The following GPC5 variants were observed in gnomAD, a reference collection of about 807,000 sequenced individuals.
GPC5 encodes the protein glypican-5.
GPC5 carries 47 observed loss-of-function variants against 53.9 expected under a neutral mutation model. That is an observed-to-expected ratio of 0.87 (90% CI 0.69 to 1.11). The LOEUF (loss-of-function observed/expected upper bound fraction) is 1.11. Ranked by LOEUF, GPC5 falls within the 50% of genes most tolerant of loss-of-function variation. The pLI is 0.00. For synonymous variants in GPC5, 286 were observed against 263.3 expected (o/e 1.09, Z -0.84); for missense variants, 748 against 713.1 (o/e 1.05, Z -0.56).
At chr13:91,946,837 A>G (rs1054029623) in intron 6 of GPC5, among the ~76,000 whole-genome samples, 1 of 152,232 alleles carries the variant, frequency 6.6e-6, no homozygotes, top group Non-Finnish European at 1.5e-5. Flanking sequence ...ACCTTAGGCC[A>G]TAGGATATAA....
At chr13:91,714,793 C>T (rs1311438274) in intron 3 of GPC5, among the ~76,000 whole-genome samples, 2 of 152,052 alleles carry the variant, frequency 1.3e-5, no homozygotes, top group African/African-American at 4.8e-5. Flanking sequence ...AGGTGAGGCC[C>T]CAACTGGGGC....
At chr13:91,601,409 C>T (rs1337576961) in intron 2 of GPC5, among the ~76,000 whole-genome samples, 1 of 152,096 alleles carries the variant, frequency 6.6e-6, no homozygotes, top group African/African-American at 2.4e-5. Context: ...AGGGCAGAAG[C>T]TAAGAGGTCG....
At chr13:91,522,107 C>T (rs190561836) in intron 2 of GPC5, among the ~76,000 whole-genome samples, 11 of 152,346 alleles carry the variant, frequency 7.2e-5, no homozygotes, top group South Asian at 2.1e-4. Flanking sequence ...TTTAGCTATT[C>T]GGAACCCTTC....
At chr13:92,014,755 A>G (rs2040692448) in intron 6 of GPC5, among the ~76,000 whole-genome samples, 1 of 152,190 alleles carries the variant, frequency 6.6e-6, no homozygotes, top group Admixed American at 6.5e-5. Flanking sequence ...TGTTGGTGAT[A>G]TCTTGAATAT....
intron 7 of GPC5, among the ~76,000 whole-genome samples, chr13:92,359,954 G>A (rs1309401306): frequency 6.6e-6 from 1 of 151,532 alleles, no homozygotes; most frequent in African/African-American, 2.4e-5. Flanking sequence ...TTGTAAATTT[G>A]TGTCTTATAG....
intron 2 of GPC5, among the ~76,000 whole-genome samples, chr13:91,565,025 T>C (rs1474991728): frequency 6.6e-6 from 1 of 151,616 alleles, no homozygotes; most frequent in African/African-American, 2.4e-5. Context: ...AGTCTCGCTC[T>C]GTCACCCAGG....
At chr13:92,163,050 A>G (rs1423744663) in intron 7 of GPC5, among the ~76,000 whole-genome samples, 1 of 152,186 alleles carries the variant, frequency 6.6e-6, no homozygotes, top group Non-Finnish European at 1.5e-5. Flanking sequence ...GATGCTCAGA[A>G]AAGTCTATGT....
intron 7 of GPC5, among the ~76,000 whole-genome samples, chr13:92,786,989 C>T (rs1876260419): frequency 6.6e-6 from 1 of 152,126 alleles, no homozygotes; most frequent in Non-Finnish European, 1.5e-5. Flanking sequence ...AAAATATATG[C>T]AAAGAAAAGA....
chr13:91,745,063 G>A (rs1156967973), intron 4 of GPC5, among the ~76,000 whole-genome samples: 2 of 152,052 alleles, frequency 1.3e-5, no homozygotes, highest in Non-Finnish European at 1.5e-5. Flanking sequence ...ACACTTGGTC[G>A]AGTGTTTATT....
chr13:91,594,874 A>G (rs529902334), intron 2 of GPC5, among the ~76,000 whole-genome samples: 46 of 151,880 alleles, frequency 3.0e-4, no homozygotes, highest in Non-Finnish European at 5.2e-4. Flanking sequence ...GGGTCTCACT[A>G]TGTTACCCAG....
chr13:92,584,636 A>G (rs1273940546), intron 7 of GPC5, among the ~76,000 whole-genome samples: 5 of 152,200 alleles, frequency 3.3e-5, no homozygotes, highest in Admixed American at 6.5e-5. Context: ...ATAAGTAACT[A>G]GGAGGCGAAT....
intron 2 of GPC5, among the ~76,000 whole-genome samples, chr13:91,482,896 C>T (rs1883384586): frequency 6.6e-6 from 1 of 150,714 alleles, no homozygotes; most frequent in South Asian, 2.1e-4. Flanking sequence ...CCATTATTGG[C>T]AGCTCTATAA....
intron 7 of GPC5, among the ~76,000 whole-genome samples, chr13:92,794,962 A>C (rs1876605733): frequency 6.6e-6 from 1 of 152,184 alleles, no homozygotes; most frequent in South Asian, 2.1e-4. Flanking sequence ...ATACTGCCCT[A>C]GGTAACTTAC....
At chr13:91,520,127 G>T (rs1308800503) in intron 2 of GPC5, among the ~76,000 whole-genome samples, 5 of 152,022 alleles carry the variant, frequency 3.3e-5, no homozygotes, top group Non-Finnish European at 5.9e-5. Context: ...TTTATAAAAT[G>T]GTCCCTTGGC....
chr13:92,811,125 C>T (rs780159839), intron 7 of GPC5, among the ~76,000 whole-genome samples: 43 of 151,970 alleles, frequency 2.8e-4, no homozygotes, highest in Non-Finnish European at 8.8e-5. Flanking sequence ...ATCCACTCAT[C>T]TGTTGATGGA....
At chr13:92,071,454 T>C (rs2041210461) in intron 6 of GPC5, among the ~76,000 whole-genome samples, 1 of 152,180 alleles carries the variant, frequency 6.6e-6, no homozygotes, top group Non-Finnish European at 1.5e-5. Context: ...TAAGCAATTA[T>C]TTTAAGGTAT....
At chr13:92,685,560 AT>A (rs747173185) in intron 7 of GPC5, among the ~76,000 whole-genome samples, 14,194 of 120,610 alleles carry the variant, frequency 0.12, 1,024 homozygotes, top group East Asian at 0.38. Context: ...TTTTTTTTTA[AT>A]TTTTTTTTTT....
At chr13:92,265,137 A>G (rs1027931982) in intron 7 of GPC5, among the ~76,000 whole-genome samples, 8 of 152,016 alleles carry the variant, frequency 5.3e-5, no homozygotes, top group Non-Finnish European at 1.2e-4. Context: ...TTCCATCCAT[A>G]TTAATCTCTT....
intron 1 of GPC5, among the ~76,000 whole-genome samples, chr13:91,423,861 A>G (rs896450709): frequency 3.3e-5 from 5 of 152,216 alleles, no homozygotes; most frequent in Non-Finnish European, 5.9e-5. Context: ...TATAATTACT[A>G]TTTTTCAATT....
Sources: gnomAD v4.1 joint callset for allele counts (sites outside exome capture counted in the v4.1 genomes callset) on GRCh38, gnomAD v4.1.1 for gene constraint, MANE v1.5 for transcripts, NCBI Gene and HGNC (gene_info 2026-07-23, HGNC 2026-07-21) for gene names.